COLEC10: variants seen among roughly 807,000 people sequenced by gnomAD.
COLEC10 encodes the protein collectin-10.
COLEC10 carries 22 observed loss-of-function variants against 28.4 expected under a neutral mutation model. The observed-to-expected ratio is 0.78, with a 90% confidence interval of 0.55 to 1.11. The LOEUF (loss-of-function observed/expected upper bound fraction) is 1.11, where lower values mean the gene tolerates loss of function less well. COLEC10 is among the 50% of genes least tolerant of loss of function. The pLI, the probability that COLEC10 is intolerant of heterozygous loss-of-function variation, is 0.00. For missense variants in COLEC10, 361 were observed against 344.1 expected (o/e 1.05, Z -0.39); for synonymous variants, 125 against 116.1 (o/e 1.08, Z -0.49).
chr8:119,091,631 A>G (rs1029307345), intron 3 of COLEC10, among the ~76,000 whole-genome samples: 2 of 132,494 alleles, frequency 1.5e-5, no homozygotes, highest in Non-Finnish European at 3.3e-5. Context: ...GAAAGAAAGA[A>G]AGAAAATTGA....
At chr8:119,022,382 A>C (rs1814115354) in intron 2 of COLEC10, among the ~76,000 whole-genome samples, 1 of 152,144 alleles carries the variant, frequency 6.6e-6, no homozygotes. Context: ...TGAATGAAGC[A>C]CCAAAGATTT....
chr8:118,964,375 T>C, the COLEC10 span, among the ~76,000 whole-genome samples: 2 of 152,268 alleles, frequency 1.3e-5, no homozygotes, highest in Middle Eastern at 3.4e-3. Flanking sequence ...TAGGCCTGGG[T>C]GGTAATTCCA....
chr8:119,006,851 A>G (rs1813809177), intron 1 of COLEC10, among the ~76,000 whole-genome samples: 1 of 152,052 alleles, frequency 6.6e-6, no homozygotes, highest in Non-Finnish European at 1.5e-5. Context: ...ATATAAGGTA[A>G]TTTGTTCACA....
At chr8:119,074,291 T>C (rs996250014) in intron 1 of COLEC10, among the ~76,000 whole-genome samples, 1 of 152,128 alleles carries the variant, frequency 6.6e-6, no homozygotes, top group African/African-American at 2.4e-5. Flanking sequence ...TAAAAGAGTA[T>C]AATTACATTG....
chr8:119,059,681 G>A (rs1259886308), intron 2 of COLEC10, among the ~76,000 whole-genome samples: 2 of 152,000 alleles, frequency 1.3e-5, no homozygotes, highest in East Asian at 3.9e-4. Flanking sequence ...TGAGGAGAGA[G>A]GTGGAGTTTT....
At chr8:118,953,938 T>C in the COLEC10 span, among the ~76,000 whole-genome samples, 2 of 152,186 alleles carry the variant, frequency 1.3e-5, no homozygotes, top group African/African-American at 2.4e-5. Context: ...ATAACGGTTA[T>C]TATAAAGATT....
chr8:119,051,743 T>C (rs1167667122), intron 2 of COLEC10, among the ~76,000 whole-genome samples: 1 of 152,170 alleles, frequency 6.6e-6, no homozygotes, highest in Non-Finnish European at 1.5e-5. Context: ...AATTTTCAGT[T>C]TCTTAAATGT....
At chr8:119,058,864 A>AT (rs1341844423) in intron 2 of COLEC10, among the ~76,000 whole-genome samples, 1 of 152,068 alleles carries the variant, frequency 6.6e-6, no homozygotes, top group Non-Finnish European at 1.5e-5. Context: ...GTGACTGTAC[A>AT]TTTTACATCC....
At chr8:119,032,109 TC>T in intron 2 of COLEC10, among the ~76,000 whole-genome samples, 1 of 152,240 alleles carries the variant, frequency 6.6e-6, no homozygotes, top group Non-Finnish European at 1.5e-5. Context: ...TTTGAGGTCA[TC>T]TTATTTTGTG....
chr8:119,049,715 G>A (rs1814645697), intron 2 of COLEC10, among the ~76,000 whole-genome samples: 1 of 152,010 alleles, frequency 6.6e-6, no homozygotes, highest in African/African-American at 2.4e-5. Flanking sequence ...CGCCTGGCTG[G>A]TATTTTCTTT....
chr8:119,021,905 A>G (rs1814104820), intron 2 of COLEC10, among the ~76,000 whole-genome samples: 1 of 152,296 alleles, frequency 6.6e-6, no homozygotes, highest in South Asian at 2.1e-4. Context: ...TGTAATGATT[A>G]CATGTAAGTG....
In COLEC10 at chr8:119,106,689, C is replaced by A. The variant is rs1027279428; in HGVS notation, c.*498C>A. On this transcript the variant is annotated 3_prime_UTR_variant, in exon 6 of 6. Coordinates refer to ENST00000332843, the MANE Select transcript of COLEC10 (RefSeq NM_006438.5). Reference sequence around the variant, plus strand: ...GCCCAGATCTTTTACCAGTCACACCCTATGGCCATGGCTATACTTGGAAGT... The same window carrying A: ...GCCCAGATCTTTTACCAGTCACACCATATGGCCATGGCTATACTTGGAAGT... The A allele has an allele frequency of 6.4e-6, 1 of 156,342 alleles. No individual in the cohort carries two copies. Among genetic ancestry groups the A allele is most frequent in the South Asian group, 1.9e-4 (1 of 5,164 alleles). 9.7% of individuals were successfully genotyped at this position (156,342 alleles called of 1,614,324 possible).
At chr8:118,962,625 T>C in the COLEC10 span, among the ~76,000 whole-genome samples, 1 of 151,890 alleles carries the variant, frequency 6.6e-6, no homozygotes, top group Non-Finnish European at 1.5e-5. Flanking sequence ...ACACTTAACA[T>C]GAGATCTACT....
At chr8:119,024,241 C>A (rs1165131124) in intron 2 of COLEC10, among the ~76,000 whole-genome samples, 1 of 152,088 alleles carries the variant, frequency 6.6e-6, no homozygotes. Context: ...ATTCATAGAA[C>A]ATTCCTTGAG....
At chr8:118,978,765 G>T in the COLEC10 span, among the ~76,000 whole-genome samples, 2,296 of 151,852 alleles carry the variant, frequency 0.015, 71 homozygotes, top group African/African-American at 0.052. Context: ...TCTGAAATAG[G>T]TATACCAATT....
At chr8:119,038,909 T>A (rs77551169) in intron 2 of COLEC10, among the ~76,000 whole-genome samples, 37 of 152,236 alleles carry the variant, frequency 2.4e-4, no homozygotes, top group African/African-American at 8.4e-4. Context: ...TTTTTGAAAT[T>A]TTTTGCCAAT....
chr8:119,071,985 G>A (rs1815133887), intron 1 of COLEC10, among the ~76,000 whole-genome samples: 1 of 152,128 alleles, frequency 6.6e-6, no homozygotes, highest in Non-Finnish European at 1.5e-5. Context: ...AACAACCTAA[G>A]AACCTCCCTG....
At chr8:118,959,995 A>C in the COLEC10 span, among the ~76,000 whole-genome samples, 2,871 of 152,318 alleles carry the variant, frequency 0.019, 84 homozygotes, top group African/African-American at 0.064. Flanking sequence ...ATATATTTGA[A>C]AGGAGATGTA....
intron 2 of COLEC10, among the ~76,000 whole-genome samples, chr8:119,021,721 A>C (rs558559454): frequency 6.6e-6 from 1 of 152,290 alleles, no homozygotes; most frequent in Non-Finnish European, 1.5e-5. Context: ...CAACTCCAAC[A>C]AGAAGAAACA....
Sources: allele counts gnomAD v4.1 joint callset (sites outside exome capture counted in the v4.1 genomes callset), GRCh38; gene constraint gnomAD v4.1.1; transcripts MANE v1.5; gene names NCBI Gene and HGNC (gene_info 2026-07-23, HGNC 2026-07-21).